KLHL32: variants seen among roughly 807,000 people sequenced by gnomAD.
KLHL32 encodes the protein kelch-like protein 32.
KLHL32 carries 35 observed loss-of-function variants against 64.8 expected under a neutral mutation model. That is an observed-to-expected ratio of 0.54 (90% CI 0.41 to 0.72). The LOEUF (loss-of-function observed/expected upper bound fraction) is 0.72, where lower values mean the gene tolerates loss of function less well. KLHL32 is among the 30% of genes least tolerant of loss of function. KLHL32 has a pLI of 0.00. For missense variants in KLHL32, 589 were observed against 768.5 expected (o/e 0.77, Z 2.76); for synonymous variants, 259 against 281.0 (o/e 0.92, Z 0.78).
chr6:97,098,110 T>A (rs182157866), intron 6 of KLHL32, among the ~76,000 whole-genome samples: 10 of 152,288 alleles, frequency 6.6e-5, no homozygotes, highest in Admixed American at 5.2e-4. Flanking sequence ...CAGCACCTAA[T>A]CTTGCAGCTA....
chr6:97,103,411 C>T (rs1176096337), intron 6 of KLHL32, among the ~76,000 whole-genome samples: 1 of 152,064 alleles, frequency 6.6e-6, no homozygotes, highest in Non-Finnish European at 1.5e-5. Context: ...GATGGGGTTT[C>T]ACCATGTTAG....
intron 7 of KLHL32, among the ~76,000 whole-genome samples, chr6:97,119,569 A>G (rs963813258): frequency 3.9e-5 from 6 of 152,224 alleles, no homozygotes; most frequent in Non-Finnish European, 5.9e-5. Flanking sequence ...ACTAGAATAC[A>G]GTAGTTTAAG....
At chr6:96,915,732 A>C in the KLHL32 span, among the ~76,000 whole-genome samples, 1 of 152,342 alleles carries the variant, frequency 6.6e-6, no homozygotes. Context: ...TTGGAAAAGT[A>C]CTATGTATAT....
chr6:96,961,223 C>G (rs1264248147), intron 1 of KLHL32, among the ~76,000 whole-genome samples: 1 of 152,108 alleles, frequency 6.6e-6, no homozygotes, highest in Non-Finnish European at 1.5e-5. Flanking sequence ...TTAAATAAAA[C>G]CCCTTGGATG....
chr6:96,956,452 T>A (rs1346991425), intron 1 of KLHL32, among the ~76,000 whole-genome samples: 12 of 152,236 alleles, frequency 7.9e-5, no homozygotes, highest in Admixed American at 7.2e-4. Flanking sequence ...CTCCATGTAG[T>A]ACAGGTTTCT....
At chr6:97,104,122 C>G (rs1233009725) in intron 6 of KLHL32, among the ~76,000 whole-genome samples, 1 of 152,202 alleles carries the variant, frequency 6.6e-6, no homozygotes, top group Non-Finnish European at 1.5e-5. Flanking sequence ...CACCTCTTAT[C>G]CTATCTTGAT....
At chr6:97,093,854 A>T (rs1583004438) in intron 6 of KLHL32, among the ~76,000 whole-genome samples, 2 of 152,318 alleles carry the variant, frequency 1.3e-5, no homozygotes, top group South Asian at 4.1e-4. Flanking sequence ...TTAAAATCTG[A>T]CCAAGAGACA....
At chr6:96,899,156 T>C in the KLHL32 span, among the ~76,000 whole-genome samples, 1 of 152,200 alleles carries the variant, frequency 6.6e-6, no homozygotes, top group Non-Finnish European at 1.5e-5. Context: ...TATTTAATTA[T>C]ACTGAACATT....
chr6:96,985,545 A>T (rs573890385), intron 3 of KLHL32, among the ~76,000 whole-genome samples: 1 of 152,214 alleles, frequency 6.6e-6, no homozygotes, highest in East Asian at 1.9e-4. Context: ...ATATAGTCCC[A>T]TATTTCTTGG....
At chr6:97,048,767 C>G (rs1347940635) in intron 4 of KLHL32, among the ~76,000 whole-genome samples, 5 of 152,192 alleles carry the variant, frequency 3.3e-5, no homozygotes, top group African/African-American at 1.2e-4. Context: ...TGGACCATCC[C>G]TTCAGGGGTA....
chr6:96,910,964 T>C, the KLHL32 span, among the ~76,000 whole-genome samples: 1 of 152,222 alleles, frequency 6.6e-6, no homozygotes, highest in East Asian at 1.9e-4. Context: ...TATGTGAACA[T>C]GTATGGTAAA....
At chr6:96,950,509 A>AC (rs1226781914) in intron 1 of KLHL32, among the ~76,000 whole-genome samples, 2 of 152,096 alleles carry the variant, frequency 1.3e-5, no homozygotes, top group Non-Finnish European at 2.9e-5. Context: ...TTAAAAAAAA[A>AC]AAACCCAGAC....
chr6:97,092,313 T>A (rs1049891205), intron 6 of KLHL32, among the ~76,000 whole-genome samples: 1 of 151,926 alleles, frequency 6.6e-6, no homozygotes, highest in African/African-American at 2.4e-5. Flanking sequence ...CATGCATGTG[T>A]TGTTACTATT....
chr6:96,975,872 A>T (rs1775632952), intron 2 of KLHL32, 125 bp from the exon 3 acceptor site: 1 of 528,634 alleles, frequency 1.9e-6, no homozygotes, highest in Non-Finnish European at 3.1e-6. Context: ...GAGGGAACAG[A>T]TGGTCACACT....
chr6:97,095,189 G>A (rs1794805127), intron 6 of KLHL32, among the ~76,000 whole-genome samples: 1 of 152,200 alleles, frequency 6.6e-6, no homozygotes, highest in Non-Finnish European at 1.5e-5. Flanking sequence ...GCTTAGTTAA[G>A]TGGCAAACAC....
chr6:96,912,253 C>G, the KLHL32 span, among the ~76,000 whole-genome samples: 2 of 152,176 alleles, frequency 1.3e-5, no homozygotes, highest in Non-Finnish European at 2.9e-5. Context: ...ACCCTCCTCA[C>G]TGGCTTTCCT....
At position 97,139,605 on chromosome 6, in the gene KLHL32, TAGTA is replaced by T. The variant is rs900394038; in HGVS notation, c.*326_*329del. On this transcript the variant is annotated 3_prime_UTR_variant, in exon 11 of 11. Transcript: ENST00000369261. ...CTGTCTTAAGACAACATAACACTGT[TAGTA>T]AGGCAATTTATTGGACACAATGGCA... 10 of 192,702 alleles carry T rather than the reference TAGTA, an allele frequency of 5.2e-5. No homozygotes were observed. Among genetic ancestry groups the T allele is most frequent in the Admixed American group, 1.2e-4 (2 of 16,804 alleles). 11.9% of individuals were successfully genotyped at this position (192,702 alleles called of 1,614,324 possible).
Position 97,113,482 on chromosome 6 carries a change from A to G in KLHL32, c.628-301A>G, listed in dbSNP as rs547441086. The stretch of plus-strand genomic sequence containing the variant: ...ACATAAGGGAACAGGCTGTTTCACA[A>G]CAGCATTTTCATTCTTTGAAAATCA... On this transcript the variant is annotated intron_variant, in intron 6 of 10. Transcript: ENST00000369261. Among the ~76,000 whole-genome samples, 38 of 152,270 alleles carry G rather than the reference A, an allele frequency of 2.5e-4. No homozygotes were observed. The South Asian group carries it at 2.7e-3, about 11-fold the overall frequency.
At chr6:97,057,470 C>CAAAATATGTA (rs1788165760) in intron 4 of KLHL32, among the ~76,000 whole-genome samples, 1 of 89,166 alleles carries the variant, frequency 1.1e-5, no homozygotes, top group Non-Finnish European at 2.0e-5. Context: ...GCGTGAGCCA[C>CAAAATATGTA]CGCGCCCGGC....
Sources: gnomAD v4.1 joint callset for allele counts (sites outside exome capture counted in the v4.1 genomes callset) on GRCh38, gnomAD v4.1.1 for gene constraint, MANE v1.5 for transcripts, NCBI Gene and HGNC (gene_info 2026-07-23, HGNC 2026-07-21) for gene names.